LGI2: variants seen among roughly 807,000 people sequenced by gnomAD.
LGI2 encodes leucine rich repeat LGI family member 2, also known as leucine-rich repeat LGI family member 2.
In LGI2, 30 loss-of-function variants were observed where a neutral mutation model predicts 52.0. The observed-to-expected ratio is 0.58, with a 90% CI of 0.43 to 0.78. LGI2 has a LOEUF of 0.78. LGI2 is among the 30% of genes least tolerant of loss of function. The pLI is 0.00. For synonymous variants in LGI2, 270 were observed against 271.8 expected, an observed-to-expected ratio of 0.99 and a Z score of 0.06; for missense variants, 573 against 692.5, an observed-to-expected ratio of 0.83 and a Z score of 1.94.
chr4:25,026,871 TA>T lies in LGI2; in HGVS notation c.337del (p.Tyr113ThrfsTer9). ...ATAGACAAAGCACAAAACTTACAGG[TA>T]TTCAAGATGAAAAAGTCCAGCAAAA... ...DAFAGLFHLE[Y>X]LFIEGNKIET... On this transcript the variant is annotated frameshift_variant, in exon 3 of 8. Coordinates refer to ENST00000382114, the MANE Select transcript of LGI2 (RefSeq NM_018176.4). LOFTEE classifies it high-confidence loss of function. 1 of 1,610,144 alleles carries T rather than the reference TA, an allele frequency of 6.2e-7. No homozygotes were observed. The highest frequency in any genetic ancestry group is 8.5e-7 in the Non-Finnish European group (1 of 1,176,368).
intron 6 of LGI2, among the ~76,000 whole-genome samples, chr4:25,015,329 A>G (rs1280513968): frequency 6.6e-6 from 1 of 152,234 alleles, no homozygotes; most frequent in Non-Finnish European, 1.5e-5. Context: ...CCTCTAAGGA[A>G]TTTAGTGAAT....
rs757142921 is a variant in LGI2, at chr4:25,012,343, T to C, written c.812A>G (p.Asn271Ser). Reference protein sequence around the residue: ...HIEMNFRSYDNITGQSIVGCK... With the variant: ...HIEMNFRSYDSITGQSIVGCK... ...TCAAAGCCACAACACACCTGTAATG[T>C]TGTCATAGCTCCGGAAATTCATTTC... Residue 271 changes from asparagine to serine, a missense_variant, in exon 7 of 8, where the codon AAC becomes AGC. Transcript: ENST00000382114. The C allele has an allele frequency of 6.2e-7, 1 of 1,614,222 alleles. No homozygotes were observed. The highest frequency in any genetic ancestry group is 8.5e-7 in the Non-Finnish European group (1 of 1,180,038).
intron 6 of LGI2, among the ~76,000 whole-genome samples, chr4:25,016,980 G>A (rs1177563928): frequency 6.6e-6 from 1 of 152,166 alleles, no homozygotes. Flanking sequence ...TTCCAATGGA[G>A]ATACTCACCA....
chr4:25,029,110 T>C (rs1726246971), intron 1 of LGI2, among the ~76,000 whole-genome samples: 1 of 152,186 alleles, frequency 6.6e-6, no homozygotes, highest in South Asian at 2.1e-4. Flanking sequence ...ATCTGCCAGA[T>C]AAAACGGTCA....
the LGI2 span, among the ~76,000 whole-genome samples, chr4:24,993,829 CA>C: frequency 6.6e-6 from 1 of 152,132 alleles, no homozygotes; most frequent in Non-Finnish European, 1.5e-5. Flanking sequence ...ACAGAAAATG[CA>C]AATGCATTGG....
chr4:25,003,940 T>A lies in LGI2; in HGVS notation c.1149A>T (p.Gly383=). 1.2e-6 allele frequency: 2 copies of A among 1,614,132 alleles called. No homozygotes were observed. The highest frequency in any genetic ancestry group is 1.7e-6 in the Non-Finnish European group (2 of 1,180,032). ...GGCTGGACAGGATGAGATGCGATTT[T>A]CCATCGATATCAACAAACTCCGCAT... The part of the protein sequence containing the change: ...DTDAEFVDID[G]KSHLILSSRS... Residue 383 remains glycine (G), a synonymous_variant, in exon 8 of 8, where the codon GGA becomes GGT. Coordinates refer to ENST00000382114, the MANE Select transcript of LGI2 (RefSeq NM_018176.4).
chr4:25,022,669 A>G (rs1448052713), intron 4 of LGI2, among the ~76,000 whole-genome samples: 1 of 152,194 alleles, frequency 6.6e-6, no homozygotes, highest in Non-Finnish European at 1.5e-5. Context: ...GAACACAGTT[A>G]TGTACACTCA....
chr4:25,023,750 T>C (rs1451271986), intron 4 of LGI2, among the ~76,000 whole-genome samples: 3 of 152,180 alleles, frequency 2.0e-5, no homozygotes, highest in African/African-American at 7.2e-5. Flanking sequence ...TTACTCAAAC[T>C]CAAAATATCT....
Position 25,028,524 on chromosome 4 carries a change from C to T in LGI2, c.252G>A (p.Leu84=). Residue 84 remains leucine, a synonymous_variant, in exon 2 of 8, where the codon CTG becomes CTA. Transcript: ENST00000382114. ...SEIKDRMFSH[L]PSLQLLLLNS... Reference sequence around the variant, plus strand: ...ATACTCACAGCAGCTGCAGAGAAGGCAGATGGGAAAACATTCGGTCCTTGA... The same window carrying T: ...ATACTCACAGCAGCTGCAGAGAAGGTAGATGGGAAAACATTCGGTCCTTGA... 1 of 1,613,380 alleles carries T rather than the reference C, an allele frequency of 6.2e-7. No homozygotes were observed. The highest frequency in any genetic ancestry group is 8.5e-7 in the Non-Finnish European group (1 of 1,179,830).
In LGI2 at chr4:25,016,958, C is replaced by A. The variant is rs185903382; in HGVS notation, c.655+1031G>T. Among the ~76,000 whole-genome samples the A allele has an allele frequency of 2.8e-4, 42 of 152,190 alleles. 1 individual carries two copies. The highest frequency in any genetic ancestry group is 1.0e-3 in the South Asian group (5 of 4,808). Reference sequence around the variant, plus strand: ...TCTGGCTTTAGAAGCTGTAGAAACCCCACCTAAGCCTTTCCAATGGAGATA... The same window carrying A: ...TCTGGCTTTAGAAGCTGTAGAAACCACACCTAAGCCTTTCCAATGGAGATA... On this transcript the variant is annotated intron_variant, in intron 6 of 7. Coordinates refer to ENST00000382114, the MANE Select transcript of LGI2 (RefSeq NM_018176.4).
At chr4:25,020,928 G>T (rs1415292701) in intron 4 of LGI2, among the ~76,000 whole-genome samples, 3 of 152,154 alleles carry the variant, frequency 2.0e-5, no homozygotes, top group African/African-American at 7.2e-5. Flanking sequence ...CTCTGAAAGA[G>T]ATTTTGGAAA....
chr4:25,024,844 C>T lies in LGI2; in HGVS notation c.389G>A (p.Arg130His), dbSNP rs770051474. The T allele has an allele frequency of 2.7e-5, 43 of 1,608,248 alleles. No homozygotes were observed. Among genetic ancestry groups the T allele is most frequent in the South Asian group, 2.0e-4 (18 of 89,784 alleles). ...CAGGTGAGTCAGGTCACGGAGGCCA[C>T]GAAAGGCATTTCTTGAAATGGTTTC... Reference protein sequence around the residue: ...KIETISRNAFRGLRDLTHLSL... With the variant: ...KIETISRNAFHGLRDLTHLSL... Residue 130 changes from arginine to histidine, a missense_variant, in exon 4 of 8, where the codon CGT becomes CAT. Transcript: ENST00000382114.
chr4:25,026,044 A>T (rs1377070124), intron 3 of LGI2, among the ~76,000 whole-genome samples: 1 of 152,064 alleles, frequency 6.6e-6, no homozygotes, highest in Non-Finnish European at 1.5e-5. Flanking sequence ...CTGGAGAAAG[A>T]ATTCCTCCAG....
chr4:25,012,027 T>A (rs952461081), intron 7 of LGI2, among the ~76,000 whole-genome samples: 1 of 152,186 alleles, frequency 6.6e-6, no homozygotes, highest in Non-Finnish European at 1.5e-5. Flanking sequence ...TGGGCTCCCA[T>A]ACTGCTCAGG....
chr4:24,997,218 T>G (rs1484819861), downstream of LGI2, among the ~76,000 whole-genome samples: 1 of 152,240 alleles, frequency 6.6e-6, no homozygotes, highest in African/African-American at 2.4e-5. Flanking sequence ...AGGAGATCAA[T>G]GAAAGTGACA....
intron 2 of LGI2, 116 bp from the exon 3 acceptor site, chr4:25,027,055 C>G: frequency 2.7e-6 from 2 of 738,586 alleles, no homozygotes; most frequent in Non-Finnish European, 2.3e-6. Flanking sequence ...CTCTTCTTAG[C>G]CTAAGGAGAC....
At position 25,018,154 on chromosome 4, in the gene LGI2, A is replaced by G; in HGVS notation, c.490T>C (p.Leu164=). The change falls in exon 6 of 8, where the codon TTG becomes CTG. Residue 164 remains leucine, a synonymous_variant. Coordinates refer to ENST00000382114, the MANE Select transcript of LGI2 (RefSeq NM_018176.4). ...SDLDSLIELD[L]RGNKFECDCK... is the part of the protein sequence containing the mutation. ...TCACATTCAAATTTATTACCCCTCAAATCTCTAAAAATCAAAATAAAACAC... is the reference window on the plus strand; with the variant it reads ...TCACATTCAAATTTATTACCCCTCAGATCTCTAAAAATCAAAATAAAACAC... 3 of 1,587,050 alleles carry G rather than the reference A, an allele frequency of 1.9e-6. No individual in the cohort carries two copies. Among genetic ancestry groups the G allele is most frequent in the Non-Finnish European group, 2.6e-6 (3 of 1,168,696 alleles).
chr4:25,016,968 C>T (rs1725783319), intron 6 of LGI2, among the ~76,000 whole-genome samples: 1 of 152,184 alleles, frequency 6.6e-6, no homozygotes, highest in Non-Finnish European at 1.5e-5. Context: ...CCACCTAAGC[C>T]TTTCCAATGG....
chr4:25,012,995 C>T (rs143336605), intron 6 of LGI2, among the ~76,000 whole-genome samples: 53 of 152,318 alleles, frequency 3.5e-4, no homozygotes, highest in African/African-American at 1.3e-3. Context: ...TTACCTGACC[C>T]TTTATCTCCA....
Sources: allele counts gnomAD v4.1 joint callset (sites outside exome capture counted in the v4.1 genomes callset), GRCh38; gene constraint gnomAD v4.1.1; transcripts MANE v1.5; gene names NCBI Gene and HGNC (gene_info 2026-07-23, HGNC 2026-07-21).